Variants in E2F3 observed in about 807,000 individuals in gnomAD.
The protein encoded by E2F3 is transcription factor E2F3.
Under a neutral mutation model 44.4 loss-of-function variants are expected in E2F3, and 11 were observed. The ratio of observed to expected loss-of-function variants is 0.25; its 90% CI spans 0.16 to 0.41. The LOEUF (loss-of-function observed/expected upper bound fraction) is 0.41. E2F3 is among the 10% of genes least tolerant of loss of function. The pLI is 1.00. For synonymous variants in E2F3, 249 were observed against 253.0 expected, an observed-to-expected ratio of 0.98 and a Z score of 0.15; for missense variants, 487 against 583.6, an observed-to-expected ratio of 0.83 and a Z score of 1.70.
intron 1 of E2F3, among the ~76,000 whole-genome samples, chr6:20,430,271 T>C (rs922756325): frequency 6.6e-6 from 1 of 152,232 alleles, no homozygotes; most frequent in Non-Finnish European, 1.5e-5. Flanking sequence ...TGTTTGAAAT[T>C]CTAATTTAAC....
At chr6:20,419,333 C>T (rs1176698224) in intron 1 of E2F3, among the ~76,000 whole-genome samples, 4 of 152,000 alleles carry the variant, frequency 2.6e-5, no homozygotes, top group South Asian at 2.1e-4. Flanking sequence ...CATTTCTAAG[C>T]GTTGAATTTT....
chr6:20,463,223 A>G (rs1380698893), intron 1 of E2F3, among the ~76,000 whole-genome samples: 1 of 152,132 alleles, frequency 6.6e-6, no homozygotes, highest in Non-Finnish European at 1.5e-5. Context: ...GCACCAGGCC[A>G]AATCTCTTTA....
chr6:20,467,150 A>G (rs536971163), intron 1 of E2F3, among the ~76,000 whole-genome samples: 5 of 152,188 alleles, frequency 3.3e-5, no homozygotes, highest in Non-Finnish European at 7.3e-5. Flanking sequence ...AGTACATCTC[A>G]TAAGGCTTCT....
chr6:20,445,203 G>T, intron 1 of E2F3: 1 of 933,002 alleles, frequency 1.1e-6, no homozygotes, highest in Non-Finnish European at 1.3e-6. Context: ...TTCCTTCCCA[G>T]GATGACAAGG....
At chr6:20,446,727 C>A (rs1760958208) in intron 1 of E2F3, among the ~76,000 whole-genome samples, 1 of 152,116 alleles carries the variant, frequency 6.6e-6, no homozygotes, top group Non-Finnish European at 1.5e-5. Context: ...CGCTACCACA[C>A]CTGCTAATTT....
At chr6:20,420,961 A>G (rs575013827) in intron 1 of E2F3, among the ~76,000 whole-genome samples, 1 of 152,232 alleles carries the variant, frequency 6.6e-6, no homozygotes, top group Non-Finnish European at 1.5e-5. Flanking sequence ...CTGCTTTATC[A>G]ACTAAATTTA....
intron 1 of E2F3, among the ~76,000 whole-genome samples, chr6:20,420,099 A>G (rs1290969750): frequency 6.6e-6 from 1 of 152,110 alleles, no homozygotes; most frequent in Non-Finnish European, 1.5e-5. Context: ...TTTTACTTGT[A>G]TGTTTTTTAA....
At chr6:20,444,941 T>G (rs1760891971) in intron 1 of E2F3, among the ~76,000 whole-genome samples, 1 of 152,138 alleles carries the variant, frequency 6.6e-6, no homozygotes, top group South Asian at 2.1e-4. Context: ...GGGACAGCCG[T>G]TTTGTCTGTT....
intron 1 of E2F3, among the ~76,000 whole-genome samples, chr6:20,428,515 G>A (rs552107338): frequency 3.3e-5 from 5 of 152,222 alleles, no homozygotes; most frequent in African/African-American, 9.6e-5. Flanking sequence ...GAGCCACCAC[G>A]CCCAGCCCCC....
At chr6:20,444,707 T>C (rs1561863688) in intron 1 of E2F3, among the ~76,000 whole-genome samples, 3 of 152,196 alleles carry the variant, frequency 2.0e-5, no homozygotes, top group Non-Finnish European at 4.4e-5. Context: ...GGAAATGAAA[T>C]GCTATGTCAA....
chr6:20,420,005 A>G (rs1046925244), intron 1 of E2F3, among the ~76,000 whole-genome samples: 1 of 152,184 alleles, frequency 6.6e-6, no homozygotes, highest in Non-Finnish European at 1.5e-5. Context: ...AGCTGGGACT[A>G]GTGGCGCATG....
Position 20,401,994 on chromosome 6 carries a change from C to T in E2F3, c.-239C>T, listed in dbSNP as rs1372810481. 6.5e-6 allele frequency: 4 copies of T among 613,106 alleles called. No individual in the cohort carries two copies. In the East Asian group the frequency reaches 1.1e-4, roughly 17 times the overall value. The allele number at this position is 613,106 out of a possible 1,614,324, so 38.0% of individuals were successfully genotyped here. A position where few individuals can be genotyped will look rare whatever the true frequency, so the allele number is the denominator to read the frequency against. On this transcript the variant is annotated 5_prime_UTR_variant, in exon 1 of 7. Coordinates refer to ENST00000346618, the MANE Select transcript of E2F3 (RefSeq NM_001949.5). ...CGGCCGCCCCCGACGCCTCCATCCCCGCTTGGGGCCCGATATCCGTGCGGC... is the reference window on the plus strand; with the variant it reads ...CGGCCGCCCCCGACGCCTCCATCCCTGCTTGGGGCCCGATATCCGTGCGGC...
intron 1 of E2F3, chr6:20,439,899 G>T (rs773477477): frequency 1.3e-5 from 2 of 152,182 alleles, no homozygotes; most frequent in Non-Finnish European, 2.9e-5. Context: ...TCCCATTTAA[G>T]TGTATACAAT....
chr6:20,489,112 G>T lies in E2F3; in HGVS notation c.1135+864G>T, dbSNP rs138415612. On this transcript the variant is annotated intron_variant, in intron 6 of 6. Transcript: ENST00000346618. The stretch of plus-strand genomic sequence containing the variant: ...AACTTGAGGAGATATATATGCAATT[G>T]TTTCCCTTAGTGTCTCCCTATATAG... Among the ~76,000 whole-genome samples, 36 of 152,284 alleles carry T rather than the reference G, an allele frequency of 2.4e-4. 1 individual carries two copies. In the East Asian group the frequency reaches 5.8e-3, roughly 24 times the overall value.
chr6:20,452,445 T>G (rs1761162123), intron 1 of E2F3: 1 of 152,168 alleles, frequency 6.6e-6, no homozygotes, highest in African/African-American at 2.4e-5. Context: ...TTTTTCCAAT[T>G]TTCATATATG....
rs1489792857 is a variant in E2F3 at position 20,479,933 on chromosome 6, C to T, written c.481C>T (p.Leu161=). 10 of 1,611,366 alleles carry T rather than the reference C, an allele frequency of 6.2e-6. No homozygotes were observed. In the Admixed American group the frequency reaches 1.5e-4, roughly 24 times the overall value. The part of the protein sequence containing the change: ...KTPKGKGRAA[L]RSPDSPKTPK... ...CCCCAAGGGCAAAGGAAGAGCTGCA[C>T]TACGAAGTCCAGATAGTCCAAAAAG... The change falls in exon 2 of 7, where the codon CTA becomes TTA. Residue 161 remains leucine, a synonymous_variant. Coordinates refer to ENST00000346618, the MANE Select transcript of E2F3 (RefSeq NM_001949.5).
intron 1 of E2F3, among the ~76,000 whole-genome samples, chr6:20,442,086 C>G (rs1760796359): frequency 6.6e-6 from 1 of 151,928 alleles, no homozygotes; most frequent in Non-Finnish European, 1.5e-5. Flanking sequence ...CCGAGTCTGC[C>G]TGCCCCTTTG....
intron 4 of E2F3, among the ~76,000 whole-genome samples, chr6:20,483,277 A>G (rs192310399): frequency 2.0e-4 from 31 of 152,274 alleles, no homozygotes; most frequent in Admixed American, 3.3e-4. Context: ...TATTAATATT[A>G]ATGACAACAC....
At position 20,402,887 on chromosome 6, in the gene E2F3, CG is replaced by C; in HGVS notation, c.393+264del. ...ACATCAAACACTCCAAAACTTTTCG[CG>C]GCCCCCCCTTCTTTTCCTGCACTTT... On this transcript the variant is annotated intron_variant, in intron 1 of 6. Transcript: ENST00000346618. This position sits in a 1 kb window ranked among gnomAD's most constrained non-coding sequence, Gnocchi z 5.6. Among the ~76,000 whole-genome samples, 1 of 152,246 alleles carries C rather than the reference CG, an allele frequency of 6.6e-6. No individual in the cohort carries two copies. The highest frequency in any genetic ancestry group is 1.9e-4 in the East Asian group (1 of 5,154).
Sources: allele counts gnomAD v4.1 joint callset (sites outside exome capture counted in the v4.1 genomes callset), GRCh38; gene constraint gnomAD v4.1.1; non-coding constraint Gnocchi (gnomAD v3.1); transcripts MANE v1.5; gene names NCBI Gene and HGNC (gene_info 2026-07-23, HGNC 2026-07-21).